ADGRV1: variants seen among roughly 807,000 people sequenced by gnomAD.
The protein encoded by ADGRV1 is adhesion G protein-coupled receptor V1, also known as G-protein coupled receptor 98.
ADGRV1 carries 359 observed loss-of-function variants against 596.2 expected under a neutral mutation model. That is an observed-to-expected ratio of 0.60 (90% CI 0.55 to 0.66). The LOEUF (loss-of-function observed/expected upper bound fraction) is 0.66. Ranked by LOEUF, ADGRV1 falls within the 30% of genes least tolerant of loss-of-function variation. ADGRV1 has a pLI of 0.00. For missense variants in ADGRV1, 7,274 were observed against 7,575.6 expected, an observed-to-expected ratio of 0.96 and a Z score of 1.48; for synonymous variants, 2,681 against 2,679.2, an observed-to-expected ratio of 1.00 and a Z score of -0.02.
chr5:90,781,697 C>A, intron 65 of ADGRV1, 119 bp downstream of exon 65: 1 of 846,772 alleles, frequency 1.2e-6, no homozygotes, highest in Non-Finnish European at 1.8e-6. Flanking sequence ...TGTGTTTACA[C>A]ATATACACTT....
intron 85 of ADGRV1, among the ~76,000 whole-genome samples, chr5:90,987,322 T>G (rs1406789569): frequency 6.6e-6 from 1 of 151,832 alleles, no homozygotes; most frequent in Non-Finnish European, 1.5e-5. Flanking sequence ...ATACAAGAAT[T>G]AGCCAGGCGT....
intron 84 of ADGRV1, among the ~76,000 whole-genome samples, chr5:90,969,581 G>A (rs187781646): frequency 1.3e-5 from 2 of 152,296 alleles, no homozygotes; most frequent in East Asian, 1.9e-4. Flanking sequence ...AGTGCAAAGC[G>A]AGGATGTATT....
chr5:90,887,023 A>G (rs1208748446), intron 83 of ADGRV1, among the ~76,000 whole-genome samples: 1 of 152,190 alleles, frequency 6.6e-6, no homozygotes, highest in African/African-American at 2.4e-5. Flanking sequence ...CTCTCTAGTT[A>G]GGAGCCAGTG....
At chr5:91,020,654 C>T (rs921555406) in intron 85 of ADGRV1, among the ~76,000 whole-genome samples, 2 of 152,046 alleles carry the variant, frequency 1.3e-5, no homozygotes, top group African/African-American at 2.4e-5. Context: ...GAAAGACCCA[C>T]TGCCATTGTT....
intron 87 of ADGRV1, among the ~76,000 whole-genome samples, chr5:91,141,559 A>T (rs951306880): frequency 6.6e-6 from 1 of 152,208 alleles, no homozygotes; most frequent in African/African-American, 2.4e-5. Context: ...GACCATCAAC[A>T]AAAGCAATTT....
intron 20 of ADGRV1, among the ~76,000 whole-genome samples, chr5:90,656,104 A>T (rs975001851): frequency 2.0e-5 from 3 of 152,190 alleles, no homozygotes; most frequent in Non-Finnish European, 4.4e-5. Context: ...ATTTTGAATG[A>T]TTTAGCATTG....
chr5:91,001,928 A>G (rs1290327769), intron 85 of ADGRV1, among the ~76,000 whole-genome samples: 1 of 152,040 alleles, frequency 6.6e-6, no homozygotes, highest in Non-Finnish European at 1.5e-5. Flanking sequence ...TTTATTTCCT[A>G]TGACACTAAA....
intron 1 of ADGRV1, among the ~76,000 whole-genome samples, chr5:90,602,783 T>C (rs1761577775): frequency 1.3e-5 from 2 of 152,244 alleles, no homozygotes; most frequent in African/African-American, 4.8e-5. Context: ...AATTGTATTA[T>C]GCTTTGTATT....
rs560786885 is a variant in ADGRV1 at position 91,098,627 on chromosome 5, T to C, written c.18311-3592T>C. On this transcript the variant is annotated intron_variant, in intron 86 of 89. Transcript: ENST00000405460. ...TATGCTGAGTTATTTATGACTAGCT[T>C]TTTCCTTACGGAGTTTCTAGTCTGG... Among the ~76,000 whole-genome samples, 17 of 152,306 alleles carry C rather than the reference T, an allele frequency of 1.1e-4. No homozygotes were observed. The East Asian group carries it at 2.3e-3, about 21-fold the overall frequency.
At chr5:90,916,723 C>G (rs1773402594) in intron 83 of ADGRV1, among the ~76,000 whole-genome samples, 1 of 148,478 alleles carries the variant, frequency 6.7e-6, no homozygotes, top group Non-Finnish European at 1.5e-5. Context: ...AGCTCCGCCT[C>G]CCGGGTTCAC....
intron 85 of ADGRV1, among the ~76,000 whole-genome samples, chr5:90,996,270 C>T (rs1781406595): frequency 1.3e-5 from 2 of 152,130 alleles, no homozygotes; most frequent in African/African-American, 4.8e-5. Context: ...AGGCTCAGAG[C>T]CCCACTGCTC....
intron 76 of ADGRV1, among the ~76,000 whole-genome samples, chr5:90,826,974 T>A (rs1032995851): frequency 1.3e-5 from 2 of 152,228 alleles, no homozygotes; most frequent in Admixed American, 6.5e-5. Flanking sequence ...TATCTTATGA[T>A]TCTATATTAG....
intron 1 of ADGRV1, among the ~76,000 whole-genome samples, chr5:90,597,291 A>T (rs568945773): frequency 6.6e-6 from 1 of 152,320 alleles, no homozygotes; most frequent in East Asian, 1.9e-4. Context: ...CAATGGGGAA[A>T]GTTGTTCTGT....
In ADGRV1 at chr5:90,642,672, T is replaced by A. The variant is rs1185617030; in HGVS notation, c.2277T>A (p.Tyr759Ter). The A allele has an allele frequency of 1.2e-6, 2 of 1,613,598 alleles. No homozygotes were observed. The highest frequency in any genetic ancestry group is 1.7e-6 in the Non-Finnish European group (2 of 1,179,588). The change falls in exon 12 of 90, where the codon TAT becomes TAA. Residue 759 changes from tyrosine (Y) to a stop codon, truncating the protein, a stop_gained. Coordinates refer to ENST00000405460, the MANE Select transcript of ADGRV1 (RefSeq NM_032119.4). LOFTEE classifies it high-confidence loss of function. Reference protein sequence around the residue: ...NVENQVLKSGYTSRDLIILEN... With the variant: ...NVENQVLKSG ...AAAACCAAGTGCTGAAATCTGGATA[T>A]ACTAGCCGTGACCTAATTATTTTGG...
intron 21 of ADGRV1, among the ~76,000 whole-genome samples, chr5:90,662,718 G>T (rs1029818809): frequency 6.6e-6 from 1 of 151,470 alleles, no homozygotes; most frequent in Non-Finnish European, 1.5e-5. Flanking sequence ...CCACTAACTC[G>T]TCATCTAGCA....
intron 85 of ADGRV1, among the ~76,000 whole-genome samples, chr5:91,017,418 T>A (rs556037606): frequency 6.6e-6 from 1 of 152,104 alleles, no homozygotes; most frequent in South Asian, 2.1e-4. Context: ...AAATGTCTTT[T>A]GCTTTCCTAT....
Position 90,802,855 on chromosome 5 carries a change from A to T in ADGRV1, c.14634A>T (p.Pro4878=), listed in dbSNP as rs1761520216. The T allele has an allele frequency of 6.2e-7, 1 of 1,609,096 alleles. No individual in the cohort carries two copies. The highest frequency in any genetic ancestry group is 8.5e-7 in the Non-Finnish European group (1 of 1,177,710). Residue 4878 remains proline, a synonymous_variant, in exon 71 of 90, where the codon CCA becomes CCT. Coordinates refer to ENST00000405460, the MANE Select transcript of ADGRV1 (RefSeq NM_032119.4). ...ILQEAKSAVL[P]VSEKAANSQV... ...AGGAAGCAAAATCTGCTGTCCTTCC[A>T]GTCTCTGAGAAAGCTGCCAATTCTC...
chr5:91,138,547 G>T (rs1057471341), intron 87 of ADGRV1, among the ~76,000 whole-genome samples: 1 of 152,012 alleles, frequency 6.6e-6, no homozygotes, highest in Non-Finnish European at 1.5e-5. Context: ...GATATTGAAT[G>T]ATTTGTCTCT....
intron 83 of ADGRV1, among the ~76,000 whole-genome samples, chr5:90,926,426 GT>G (rs1232895441): frequency 1.3e-5 from 2 of 148,228 alleles, no homozygotes; most frequent in African/African-American, 2.5e-5. Flanking sequence ...GCGTAGAGGT[GT>G]TTGTAGTATT....
Sources: gnomAD v4.1 joint callset for allele counts (sites outside exome capture counted in the v4.1 genomes callset) on GRCh38, gnomAD v4.1.1 for gene constraint, MANE v1.5 for transcripts, NCBI Gene and HGNC (gene_info 2026-07-23, HGNC 2026-07-21) for gene names.